Variants in GRM8 observed in about 807,000 individuals in gnomAD.
GRM8 encodes the protein glutamate metabotropic receptor 8.
Under a neutral mutation model 87.2 loss-of-function variants are expected in GRM8, and 47 were observed. That is an observed-to-expected ratio of 0.54 (90% CI 0.43 to 0.69). The LOEUF (loss-of-function observed/expected upper bound fraction) is 0.69. Among genes scored for constraint, GRM8 ranks in the 30% least tolerant of loss-of-function variants. The pLI is 0.00. For synonymous variants in GRM8, 396 were observed against 404.5 expected (o/e 0.98, Z 0.25); for missense variants, 1,019 against 1,139.2 (o/e 0.89, Z 1.52).
intron 9 of GRM8, among the ~76,000 whole-genome samples, chr7:126,524,880 T>C (rs556016830): frequency 6.6e-6 from 1 of 152,342 alleles, no homozygotes; most frequent in South Asian, 2.1e-4. Flanking sequence ...TATGGGTCTG[T>C]GTTCAATATT....
chr7:126,562,692 C>T (rs568002531), intron 8 of GRM8, among the ~76,000 whole-genome samples: 118 of 152,050 alleles, frequency 7.8e-4, no homozygotes, highest in African/African-American at 2.7e-3. Flanking sequence ...GTTGGGAGTT[C>T]GAGACCAGCC....
rs181063104 is a variant in GRM8 at position 127,092,308 on chromosome 7, A to G, written c.727+14188T>C. ...CTAAGTCTGGATTTGTTTTCATTTG[A>G]CAGAATACATAGAAGAGAAATCTAA... is the stretch of plus-strand genomic sequence containing the variant. On this transcript the variant is annotated intron_variant, in intron 3 of 10. Transcript: ENST00000339582. Among the ~76,000 whole-genome samples, 704 of 152,172 alleles carry G rather than the reference A, an allele frequency of 4.6e-3. 7 individuals are homozygous for G. Among genetic ancestry groups the G allele is most frequent in the African/African-American group, 0.016 (677 of 41,508 alleles).
At chr7:127,146,090 G>C (rs138725530) in intron 2 of GRM8, among the ~76,000 whole-genome samples, 2 of 152,092 alleles carry the variant, frequency 1.3e-5, no homozygotes, top group Admixed American at 1.3e-4. Flanking sequence ...TATTGAGACA[G>C]CATGTCCAGG....
intron 8 of GRM8, among the ~76,000 whole-genome samples, chr7:126,552,916 T>C (rs1223065121): frequency 1.3e-5 from 2 of 152,114 alleles, no homozygotes; most frequent in Non-Finnish European, 2.9e-5. Flanking sequence ...ACTAAATGTA[T>C]TTCCCTGAGC....
intron 9 of GRM8, among the ~76,000 whole-genome samples, chr7:126,447,774 A>C (rs1395502185): frequency 6.6e-6 from 1 of 151,962 alleles, no homozygotes; most frequent in African/African-American, 2.4e-5. Context: ...ACAAGTTAAG[A>C]AACTGTCTTT....
chr7:127,195,834 C>T (rs1192797564), intron 2 of GRM8, among the ~76,000 whole-genome samples: 1 of 152,262 alleles, frequency 6.6e-6, no homozygotes, highest in East Asian at 1.9e-4. Flanking sequence ...CACCCCCTTC[C>T]GCAAAATGCC....
chr7:126,942,831 G>A (rs1021305062), intron 3 of GRM8, among the ~76,000 whole-genome samples: 10 of 152,136 alleles, frequency 6.6e-5, no homozygotes, highest in African/African-American at 2.4e-4. Flanking sequence ...ACAGACTCAT[G>A]AGAACTGGTC....
intron 3 of GRM8, among the ~76,000 whole-genome samples, chr7:126,954,228 G>A (rs1344709329): frequency 6.6e-6 from 1 of 152,144 alleles, no homozygotes; most frequent in East Asian, 1.9e-4. Context: ...TGGAAGTCAA[G>A]TGAAAAACTG....
intron 2 of GRM8, among the ~76,000 whole-genome samples, chr7:127,115,172 G>A (rs909309972): frequency 1.3e-5 from 2 of 152,136 alleles, no homozygotes; most frequent in African/African-American, 4.8e-5. Context: ...TTGGAAGCCA[G>A]AGAGCAAGAG....
At chr7:126,572,365 C>A (rs138083998) in intron 8 of GRM8, among the ~76,000 whole-genome samples, 1 of 152,076 alleles carries the variant, frequency 6.6e-6, no homozygotes, top group South Asian at 2.1e-4. Flanking sequence ...GGTATAATAT[C>A]TATAAAATAA....
At chr7:127,018,456 C>T (rs1815918985) in intron 3 of GRM8, among the ~76,000 whole-genome samples, 1 of 147,530 alleles carries the variant, frequency 6.8e-6, no homozygotes, top group African/African-American at 2.5e-5. Flanking sequence ...CATTTACCAT[C>T]CTAGTCCAAA....
intron 8 of GRM8, among the ~76,000 whole-genome samples, chr7:126,587,377 CGT>C (rs1336858342): frequency 7.2e-5 from 11 of 152,112 alleles, no homozygotes; most frequent in Admixed American, 6.5e-4. Context: ...CACATGCACA[CGT>C]ATGTTTATTG....
intron 3 of GRM8, among the ~76,000 whole-genome samples, chr7:126,915,629 CT>C (rs1332218751): frequency 1.3e-5 from 2 of 151,844 alleles, no homozygotes; most frequent in African/African-American, 4.8e-5. Context: ...TTAGAAATGT[CT>C]AAGGAGACAT....
At chr7:127,150,339 C>T (rs1007343697) in intron 2 of GRM8, among the ~76,000 whole-genome samples, 1 of 152,004 alleles carries the variant, frequency 6.6e-6, no homozygotes, top group African/African-American at 2.4e-5. Context: ...GTCACTGAAA[C>T]CAGTGGCTGT....
At chr7:126,543,506 T>G (rs183152535) in intron 8 of GRM8, among the ~76,000 whole-genome samples, 1 of 152,328 alleles carries the variant, frequency 6.6e-6, no homozygotes, top group Admixed American at 6.5e-5. Context: ...TAAGACCTAA[T>G]AGGCATCAAT....
At chr7:127,118,742 C>T (rs765907046) in intron 2 of GRM8, among the ~76,000 whole-genome samples, 1 of 152,184 alleles carries the variant, frequency 6.6e-6, no homozygotes. Flanking sequence ...AACTCCTCTA[C>T]TCTCCGCTAC....
intron 2 of GRM8, among the ~76,000 whole-genome samples, chr7:127,140,915 T>G (rs959376833): frequency 6.6e-6 from 1 of 152,160 alleles, no homozygotes; most frequent in Non-Finnish European, 1.5e-5. Flanking sequence ...ACTTTCATCA[T>G]TGGTCTCATG....
intron 8 of GRM8, among the ~76,000 whole-genome samples, chr7:126,597,572 T>A (rs945024980): frequency 6.6e-5 from 10 of 152,208 alleles, no homozygotes; most frequent in East Asian, 1.9e-4. Context: ...TTGTACTTAT[T>A]TTACTCCTCC....
chr7:126,494,275 G>C (rs1460442643), intron 9 of GRM8, among the ~76,000 whole-genome samples: 1 of 151,920 alleles, frequency 6.6e-6, no homozygotes, highest in Non-Finnish European at 1.5e-5. Context: ...TTTTAAAGTT[G>C]CAATATCACC....
Sources: allele counts gnomAD v4.1 joint callset (sites outside exome capture counted in the v4.1 genomes callset), GRCh38; gene constraint gnomAD v4.1.1; transcripts MANE v1.5; gene names NCBI Gene and HGNC (gene_info 2026-07-23, HGNC 2026-07-21).